The following ZNF713 variants were observed in gnomAD, a reference collection of about 807,000 sequenced individuals.
The protein encoded by ZNF713 is zinc finger protein 713.
A neutral mutation model predicts 28.7 loss-of-function variants in ZNF713; 21 were observed. That is an observed-to-expected ratio of 0.73 (90% CI 0.52 to 1.05). ZNF713 has a LOEUF of 1.05. ZNF713 is among the 50% of genes least tolerant of loss of function. The probability of loss-of-function intolerance (pLI) is 0.00; values close to 1 mark genes in which losing one functional copy is unlikely to be tolerated. For synonymous variants in ZNF713, 167 were observed against 178.0 expected, an observed-to-expected ratio of 0.94 and a Z score of 0.49; for missense variants, 458 against 532.4, an observed-to-expected ratio of 0.86 and a Z score of 1.37.
At chr7:55,929,575 C>T (rs1254076820) in intron 6 of ZNF713, among the ~76,000 whole-genome samples, 4 of 152,086 alleles carry the variant, frequency 2.6e-5, no homozygotes, top group East Asian at 1.9e-4. Flanking sequence ...AGATTTTACA[C>T]GTAAAACATG....
At chr7:55,933,974 G>A (rs1786294115) in intron 6 of ZNF713, among the ~76,000 whole-genome samples, 1 of 152,128 alleles carries the variant, frequency 6.6e-6, no homozygotes, top group South Asian at 2.1e-4. Context: ...CAAAGTGCTG[G>A]GATTACAGGC....
chr7:55,921,375 A>T (rs893717432), intron 4 of ZNF713, among the ~76,000 whole-genome samples: 13 of 152,210 alleles, frequency 8.5e-5, no homozygotes, highest in Non-Finnish European at 1.5e-4. Context: ...CATGCATTTC[A>T]TAAGGCTCTA....
chr7:55,929,527 A>T (rs577985785), intron 6 of ZNF713, among the ~76,000 whole-genome samples: 2 of 152,216 alleles, frequency 1.3e-5, no homozygotes, highest in Non-Finnish European at 2.9e-5. Flanking sequence ...TTGGATCTAT[A>T]GCTTACCCCT....
intron 1 of ZNF713, among the ~76,000 whole-genome samples, chr7:55,891,901 T>G (rs1785386861): frequency 6.6e-6 from 1 of 152,056 alleles, no homozygotes; most frequent in South Asian, 2.1e-4. Flanking sequence ...AGAAAAAAAT[T>G]AAATCATAGA....
At chr7:55,917,606 G>A (rs1288820245) in intron 4 of ZNF713, among the ~76,000 whole-genome samples, 1 of 151,812 alleles carries the variant, frequency 6.6e-6, no homozygotes, top group Admixed American at 6.6e-5. Context: ...ACAGTAGGCT[G>A]AGGTCAGAGG....
chr7:55,932,073 A>G (rs975345039), intron 6 of ZNF713, among the ~76,000 whole-genome samples: 4 of 152,218 alleles, frequency 2.6e-5, no homozygotes, highest in Non-Finnish European at 5.9e-5. Context: ...GAAATAATAC[A>G]TCGGTTTAAA....
In ZNF713 at chr7:55,940,142, A is replaced by C. The variant is rs1342628875; in HGVS notation, c.*136A>C. Reference sequence around the variant, plus strand: ...AAATTTTTGTTTTGTTTTGTTTTTGAGACTGAGTCTCACTCTGTCACCCAG... The same window carrying C: ...AAATTTTTGTTTTGTTTTGTTTTTGCGACTGAGTCTCACTCTGTCACCCAG... On this transcript the variant is annotated 3_prime_UTR_variant, in exon 7 of 7. Coordinates refer to ENST00000429591, the MANE Select transcript of ZNF713 (RefSeq NM_182633.3). 1.1e-5 allele frequency: 15 copies of C among 1,371,646 alleles called. No individual in the cohort carries two copies. The Admixed American group carries it at 1.5e-4, about 14-fold the overall frequency. The allele number at this position is 1,371,646 out of a possible 1,614,324, so 85.0% of individuals were successfully genotyped here. A position where few individuals can be genotyped will look rare whatever the true frequency, so the allele number is the denominator to read the frequency against.
chr7:55,913,885 G>A (rs1785833287), intron 4 of ZNF713, among the ~76,000 whole-genome samples: 1 of 152,144 alleles, frequency 6.6e-6, no homozygotes, highest in Non-Finnish European at 1.5e-5. Context: ...GCTGAGGTGG[G>A]CAGATCACAA....
At chr7:55,918,332 C>A in intron 4 of ZNF713, 2 of 243,406 alleles carry the variant, frequency 8.2e-6, no homozygotes, top group South Asian at 9.3e-5. Context: ...ATCCTCCAAT[C>A]CCCAGTCAAA....
At chr7:55,903,084 A>G (rs1285780327) in intron 1 of ZNF713, among the ~76,000 whole-genome samples, 4 of 151,788 alleles carry the variant, frequency 2.6e-5, no homozygotes, top group Admixed American at 2.6e-4. Flanking sequence ...GGACAAGTAG[A>G]GTGAGTGGTA....
intron 4 of ZNF713, among the ~76,000 whole-genome samples, chr7:55,913,019 A>G (rs1401376024): frequency 6.6e-6 from 1 of 152,162 alleles, no homozygotes; most frequent in Non-Finnish European, 1.5e-5. Flanking sequence ...GCTCAGTAAA[A>G]TTTAAACAAT....
intron 6 of ZNF713, among the ~76,000 whole-genome samples, chr7:55,929,984 C>T (rs1005764490): frequency 1.3e-5 from 2 of 151,840 alleles, no homozygotes; most frequent in African/African-American, 4.8e-5. Context: ...CAACTTAGGT[C>T]AAAAGAGCTG....
intron 6 of ZNF713, among the ~76,000 whole-genome samples, chr7:55,931,105 A>AT (rs1786200696): frequency 6.6e-6 from 1 of 152,044 alleles, no homozygotes; most frequent in Non-Finnish European, 1.5e-5. Context: ...GACCAACCTG[A>AT]TGAAACCCTG....
intron 2 of ZNF713, among the ~76,000 whole-genome samples, chr7:55,907,037 C>T (rs1785691359): frequency 1.3e-5 from 2 of 152,140 alleles, no homozygotes; most frequent in Non-Finnish European, 2.9e-5. Context: ...ATAACGTTTT[C>T]TGGAGCAAGG....
chr7:55,937,897 C>T (rs1015907320), intron 6 of ZNF713, among the ~76,000 whole-genome samples: 2 of 142,008 alleles, frequency 1.4e-5, no homozygotes, highest in Admixed American at 7.1e-5. Flanking sequence ...GAGTGAGACA[C>T]TTTCTCAAAA....
At position 55,923,608 on chromosome 7, in the gene ZNF713, G is replaced by C; in HGVS notation, c.216G>C (p.Gly72=). The C allele has an allele frequency of 1.3e-6, 2 of 1,597,210 alleles. No individual in the cohort carries two copies. Among genetic ancestry groups the C allele is most frequent in the Non-Finnish European group, 1.7e-6 (2 of 1,170,812 alleles). ...GATGTATGTTACTCCTGTGAATAGG[G>C]TATCAGCTTTGTAAGCCAGAGGTAA... The part of the protein sequence containing the change: ...LENYRNLVAL[G]YQLCKPEVIA... Residue 72 remains glycine (G), a splice_region_variant and synonymous_variant, in exon 6 of 7, where the codon GGG becomes GGC. Coordinates refer to ENST00000429591, the MANE Select transcript of ZNF713 (RefSeq NM_182633.3).
At chr7:55,899,951 C>T (rs1399022519) in intron 1 of ZNF713, among the ~76,000 whole-genome samples, 1 of 151,874 alleles carries the variant, frequency 6.6e-6, no homozygotes, top group Non-Finnish European at 1.5e-5. Context: ...ACCATGTTGG[C>T]CAGGCTGGTC....
Position 55,939,050 on chromosome 7 carries a change from C to T in ZNF713, c.376C>T (p.His126Tyr), listed in dbSNP as rs1786410710. 1 of 1,612,410 alleles carries T rather than the reference C, an allele frequency of 6.2e-7. No individual in the cohort carries two copies. Among genetic ancestry groups the T allele is most frequent in the African/African-American group, 1.3e-5 (1 of 74,834 alleles). The change falls in exon 7 of 7, where the codon CAT becomes TAT. Residue 126 changes from histidine (H) to tyrosine (Y), a missense_variant. Transcript: ENST00000429591. ...SQNISDENQT[H>Y]EMIMERLAGD... ...GAATATTTCTGATGAAAATCAAACC[C>T]ATGAGATGATAATGGAGAGACTCGC...
chr7:55,927,113 G>A (rs1430213653), intron 6 of ZNF713, among the ~76,000 whole-genome samples: 2 of 152,170 alleles, frequency 1.3e-5, no homozygotes, highest in Admixed American at 1.3e-4. Flanking sequence ...CTGCACTCCA[G>A]CCTGGGTGAC....
Sources: allele counts gnomAD v4.1 joint callset (sites outside exome capture counted in the v4.1 genomes callset), GRCh38; gene constraint gnomAD v4.1.1; transcripts MANE v1.5; gene names NCBI Gene and HGNC (gene_info 2026-07-23, HGNC 2026-07-21).